Variants in GPC6 observed in about 807,000 individuals in gnomAD.
GPC6 encodes glypican 6.
Under a neutral mutation model 55.2 loss-of-function variants are expected in GPC6, and 14 were observed. The observed-to-expected ratio is 0.25, with a 90% CI of 0.17 to 0.40. The LOEUF (loss-of-function observed/expected upper bound fraction) is 0.40. Ranked by LOEUF, GPC6 falls within the 10% of genes least tolerant of loss-of-function variation. The pLI is 1.00. For missense variants in GPC6, 641 were observed against 708.5 expected, an observed-to-expected ratio of 0.90 and a Z score of 1.08; for synonymous variants, 278 against 259.6, an observed-to-expected ratio of 1.07 and a Z score of -0.68.
At chr13:94,305,844 C>T (rs1875915412) in intron 5 of GPC6, 136 bp from the exon 6 acceptor site, 1 of 825,216 alleles carries the variant, frequency 1.2e-6, no homozygotes, top group East Asian at 2.4e-5. Flanking sequence ...TACTTGTTTA[C>T]ATTTCAAAAT....
intron 4 of GPC6, among the ~76,000 whole-genome samples, chr13:94,284,221 A>G (rs777271459): frequency 3.3e-5 from 5 of 152,162 alleles, no homozygotes; most frequent in Non-Finnish European, 2.9e-5. Flanking sequence ...ACCATTCACT[A>G]TGAGGCCTTT....
intron 2 of GPC6, among the ~76,000 whole-genome samples, chr13:93,633,746 T>A (rs1385533838): frequency 1.3e-5 from 2 of 152,022 alleles, no homozygotes; most frequent in African/African-American, 2.4e-5. Context: ...GGGCAGAGAC[T>A]AGGAAGTGAA....
intron 3 of GPC6, among the ~76,000 whole-genome samples, chr13:93,839,861 C>T (rs1345850911): frequency 1.3e-5 from 2 of 152,094 alleles, no homozygotes; most frequent in Non-Finnish European, 2.9e-5. Context: ...TTGTTGGATT[C>T]GGTTAGCTAG....
intron 1 of GPC6, among the ~76,000 whole-genome samples, chr13:93,441,264 C>T (rs529186127): frequency 6.6e-6 from 1 of 151,270 alleles, no homozygotes; most frequent in Admixed American, 6.6e-5. Context: ...CTTGAGGAAC[C>T]ACCACCCTGT....
At chr13:94,340,857 A>C (rs2139155824) in intron 6 of GPC6, among the ~76,000 whole-genome samples, 1 of 152,378 alleles carries the variant, frequency 6.6e-6, no homozygotes, top group African/African-American at 2.4e-5. Context: ...TCTGTATAAA[A>C]GGTTTTAATA....
intron 1 of GPC6, among the ~76,000 whole-genome samples, chr13:93,463,380 C>A (rs147829477): frequency 1.2e-4 from 18 of 152,264 alleles, no homozygotes; most frequent in Non-Finnish European, 1.9e-4. Flanking sequence ...ACCAGGTGGA[C>A]GTGACTTATA....
chr13:94,047,522 T>A (rs1230079875), intron 4 of GPC6, among the ~76,000 whole-genome samples: 1 of 152,026 alleles, frequency 6.6e-6, no homozygotes, highest in East Asian at 1.9e-4. Context: ...AAAAAAAAGA[T>A]CAAGGATCTT....
intron 1 of GPC6, among the ~76,000 whole-genome samples, chr13:93,427,174 C>T (rs1387329763): frequency 6.6e-6 from 1 of 151,988 alleles, no homozygotes; most frequent in Admixed American, 6.6e-5. Flanking sequence ...AAAATTTTCT[C>T]CCATTTTGTA....
intron 1 of GPC6, among the ~76,000 whole-genome samples, chr13:93,410,676 A>T (rs1220089098): frequency 6.6e-6 from 1 of 152,124 alleles, no homozygotes; most frequent in Non-Finnish European, 1.5e-5. Flanking sequence ...AAATTAATGG[A>T]CTTTATTTTT....
chr13:94,179,796 G>A (rs999852079), intron 4 of GPC6, among the ~76,000 whole-genome samples: 4 of 152,114 alleles, frequency 2.6e-5, no homozygotes, highest in Non-Finnish European at 5.9e-5. Flanking sequence ...TTTTTTCTAT[G>A]TATTTTTCTT....
At chr13:93,383,985 T>A (rs1212402501) in intron 1 of GPC6, among the ~76,000 whole-genome samples, 1 of 152,152 alleles carries the variant, frequency 6.6e-6, no homozygotes, top group African/African-American at 2.4e-5. Flanking sequence ...TGGCAAATGC[T>A]ATTATAATCT....
At chr13:93,635,772 C>G (rs552533714) in intron 2 of GPC6, among the ~76,000 whole-genome samples, 1 of 152,294 alleles carries the variant, frequency 6.6e-6, no homozygotes, top group African/African-American at 2.4e-5. Flanking sequence ...CAGAACATAT[C>G]TTTTCATAGT....
intron 3 of GPC6, among the ~76,000 whole-genome samples, chr13:93,861,262 T>A (rs1888801619): frequency 1.3e-5 from 2 of 151,548 alleles, no homozygotes; most frequent in South Asian, 4.1e-4. Flanking sequence ...CATGAAGATT[T>A]GTTGAGCACC....
At chr13:93,591,311 A>C (rs1036974940) in intron 2 of GPC6, among the ~76,000 whole-genome samples, 1 of 152,050 alleles carries the variant, frequency 6.6e-6, no homozygotes, top group African/African-American at 2.4e-5. Flanking sequence ...AAAATACAAA[A>C]AAATTAGCCG....
At chr13:93,600,964 AAAG>A (rs1877990386) in intron 2 of GPC6, among the ~76,000 whole-genome samples, 1 of 150,342 alleles carries the variant, frequency 6.7e-6, no homozygotes. Context: ...AAAAAAAAAA[AAAG>A]AAAAAAAAAA....
intron 2 of GPC6, among the ~76,000 whole-genome samples, chr13:93,637,151 G>T (rs1879735385): frequency 6.6e-6 from 1 of 152,074 alleles, no homozygotes; most frequent in Non-Finnish European, 1.5e-5. Context: ...CTAAAACAAA[G>T]ACTATTGGGT....
intron 1 of GPC6, among the ~76,000 whole-genome samples, chr13:93,251,326 A>G (rs1173726047): frequency 6.6e-6 from 1 of 152,164 alleles, no homozygotes; most frequent in Non-Finnish European, 1.5e-5. Context: ...CTGCCTACTA[A>G]AGAGATGATG....
chr13:94,333,313 C>CA (rs1877520113), intron 6 of GPC6, among the ~76,000 whole-genome samples: 1 of 152,152 alleles, frequency 6.6e-6, no homozygotes, highest in African/African-American at 2.4e-5. Context: ...CACTAATGGC[C>CA]AGTGCTGTAC....
At chr13:94,227,916 G>A (rs764250352) in intron 4 of GPC6, among the ~76,000 whole-genome samples, 6 of 152,038 alleles carry the variant, frequency 3.9e-5, no homozygotes, top group African/African-American at 1.4e-4. Context: ...ATTAACACAC[G>A]GTATTTCACT....
Sources: gnomAD v4.1 joint callset for allele counts (sites outside exome capture counted in the v4.1 genomes callset) on GRCh38, gnomAD v4.1.1 for gene constraint, MANE v1.5 for transcripts, NCBI Gene and HGNC (gene_info 2026-07-23, HGNC 2026-07-21) for gene names.